Variants in ATP8B4 observed in about 807,000 individuals in gnomAD.
The protein encoded by ATP8B4 is ATPase phospholipid transporting 8B4 (putative).
A neutral mutation model predicts 145.6 loss-of-function variants in ATP8B4; 133 were observed. The ratio of observed to expected loss-of-function variants is 0.91; its 90% CI spans 0.79 to 1.05. ATP8B4 has a LOEUF of 1.05. Ranked by LOEUF, ATP8B4 falls within the 50% of genes least tolerant of loss-of-function variation. The pLI, the probability that ATP8B4 is intolerant of heterozygous loss-of-function variation, is 0.00. For synonymous variants in ATP8B4, 507 were observed against 492.9 expected (o/e 1.03, Z -0.38); for missense variants, 1,458 against 1,425.2 (o/e 1.02, Z -0.37).
intron 2 of ATP8B4, among the ~76,000 whole-genome samples, chr15:50,086,232 A>G (rs1226197261): frequency 4.7e-5 from 5 of 105,358 alleles, no homozygotes; most frequent in Non-Finnish European, 6.7e-5. Flanking sequence ...TATTATATAT[A>G]ATAAAATAAT....
intron 14 of ATP8B4, among the ~76,000 whole-genome samples, chr15:49,942,591 G>C (rs2042245638): frequency 6.6e-6 from 1 of 151,802 alleles, no homozygotes; most frequent in South Asian, 2.1e-4. Flanking sequence ...GATTTAAAGA[G>C]GAATAGAAGT....
chr15:49,912,849 C>T (rs1489860383), intron 20 of ATP8B4, among the ~76,000 whole-genome samples: 1 of 152,088 alleles, frequency 6.6e-6, no homozygotes, highest in African/African-American at 2.4e-5. Flanking sequence ...GTTTCCCAGG[C>T]TAGTCTCAAA....
rs187687153 is a variant in ATP8B4, at chr15:50,172,031, C to T, written c.-43+10230G>A. ...CTTAAATCAGGAAGGATTAGATACA[C>T]TGAACAGTGAGATTGAAATGGTAAA... On this transcript the variant is annotated intron_variant, in intron 1 of 3. Transcript: ENST00000558829. Among the ~76,000 whole-genome samples, 252 of 152,274 alleles carry T rather than the reference C, an allele frequency of 1.7e-3. 1 individual carries two copies. Among genetic ancestry groups the T allele is most frequent in the Admixed American group, 0.012 (179 of 15,302 alleles).
At chr15:50,033,609 A>C (rs1035591912) in intron 6 of ATP8B4, among the ~76,000 whole-genome samples, 1 of 152,190 alleles carries the variant, frequency 6.6e-6, no homozygotes, top group African/African-American at 2.4e-5. Flanking sequence ...GGATCGTTAC[A>C]TGGGAATATT....
chr15:49,979,890 C>A, intron 11 of ATP8B4, 77 bp from the exon 12 acceptor site: 1 of 992,620 alleles, frequency 1.0e-6, no homozygotes, highest in Non-Finnish European at 1.4e-6. Context: ...AATTACGCAT[C>A]TAACTCCAAG....
At chr15:49,909,087 G>A (rs886411665) in intron 20 of ATP8B4, among the ~76,000 whole-genome samples, 5 of 152,046 alleles carry the variant, frequency 3.3e-5, no homozygotes, top group South Asian at 2.1e-4. Flanking sequence ...ACTGGACAGC[G>A]GGGAGAAGGG....
chr15:49,987,589 A>G (rs367924555), intron 9 of ATP8B4, 40 bp from the exon 10 acceptor site: 99 of 1,582,740 alleles, frequency 6.3e-5, no homozygotes, highest in Non-Finnish European at 4.9e-5. Flanking sequence ...TTTATGACTC[A>G]CCCAAAATTC....
At chr15:50,016,766 G>A (rs1295298694) in intron 6 of ATP8B4, among the ~76,000 whole-genome samples, 1 of 152,202 alleles carries the variant, frequency 6.6e-6, no homozygotes, top group Non-Finnish European at 1.5e-5. Context: ...GCCAGCTGAA[G>A]GTTATATGTG....
Position 49,918,960 on chromosome 15 carries a change from A to G in ATP8B4, c.1924-10T>C. The G allele has an allele frequency of 6.3e-7, 1 of 1,575,734 alleles. No homozygotes were observed. The highest frequency in any genetic ancestry group is 8.7e-7 in the Non-Finnish European group (1 of 1,149,116). ...CAGTGGCACCTAGTAGCTTTATTGA[A>G]AAAGAGAGAAAAGTTTATGTTAATG... On this transcript the variant is annotated splice_polypyrimidine_tract_variant and intron_variant, in intron 18 of 27. Transcript: ENST00000284509.
At chr15:49,895,140 G>A (rs1341038082) in intron 23 of ATP8B4, 5 of 152,230 alleles carry the variant, frequency 3.3e-5, no homozygotes, top group Admixed American at 2.0e-4. Flanking sequence ...AAATTCAACT[G>A]GGGGAGATCA....
intron 5 of ATP8B4, among the ~76,000 whole-genome samples, chr15:50,042,365 A>C (rs1205123105): frequency 6.6e-6 from 1 of 152,198 alleles, no homozygotes; most frequent in East Asian, 1.9e-4. Flanking sequence ...ATTATATGTA[A>C]GATAACTATG....
chr15:49,883,900 A>C (rs529716681), intron 23 of ATP8B4, among the ~76,000 whole-genome samples: 2 of 152,266 alleles, frequency 1.3e-5, no homozygotes, highest in South Asian at 4.1e-4. Context: ...AAAGTTATGT[A>C]TTTACCCTTT....
At chr15:50,137,874 A>G (rs778383755) in intron 1 of ATP8B4, among the ~76,000 whole-genome samples, 37 of 152,180 alleles carry the variant, frequency 2.4e-4, no homozygotes, top group Admixed American at 2.4e-3. Context: ...TGCTACTTTA[A>G]GGATGTTTTC....
chr15:50,144,994 T>C (rs926885290), intron 1 of ATP8B4, among the ~76,000 whole-genome samples: 2 of 151,536 alleles, frequency 1.3e-5, no homozygotes, highest in African/African-American at 4.8e-5. Flanking sequence ...AGCTGAGCCA[T>C]GAAAAGCAGT....
intron 12 of ATP8B4, among the ~76,000 whole-genome samples, chr15:49,975,658 ATTG>A (rs1446807335): frequency 6.6e-6 from 1 of 152,150 alleles, no homozygotes; most frequent in Non-Finnish European, 1.5e-5. Context: ...AAGTTTTTAA[ATTG>A]TTGTTGTCTA....
chr15:49,869,862 G>A (rs1224634330), intron 25 of ATP8B4, among the ~76,000 whole-genome samples: 2 of 151,992 alleles, frequency 1.3e-5, no homozygotes, highest in African/African-American at 2.4e-5. Context: ...TCTGTCATTT[G>A]GAACTACTAT....
At chr15:50,063,923 A>G (rs1410720012) in intron 3 of ATP8B4, among the ~76,000 whole-genome samples, 1 of 152,210 alleles carries the variant, frequency 6.6e-6, no homozygotes, top group Non-Finnish European at 1.5e-5. Context: ...ATAAAGCAAG[A>G]GAATATCAAT....
intron 20 of ATP8B4, among the ~76,000 whole-genome samples, chr15:49,903,917 G>A (rs2038333138): frequency 6.6e-6 from 1 of 151,828 alleles, no homozygotes; most frequent in Non-Finnish European, 1.5e-5. Context: ...AAATCGATCT[G>A]TTGGAAATGG....
intron 9 of ATP8B4, among the ~76,000 whole-genome samples, chr15:49,993,215 T>G (rs1384654652): frequency 2.0e-5 from 3 of 151,382 alleles, no homozygotes; most frequent in Non-Finnish European, 4.4e-5. Flanking sequence ...AAAACAAAGA[T>G]AAAGAATGAC....
Sources: allele counts gnomAD v4.1 joint callset (sites outside exome capture counted in the v4.1 genomes callset), GRCh38; gene constraint gnomAD v4.1.1; transcripts MANE v1.5; gene names NCBI Gene and HGNC (gene_info 2026-07-23, HGNC 2026-07-21).